PSD3: variants seen among roughly 807,000 people sequenced by gnomAD.
PSD3 encodes the protein PH and SEC7 domain-containing protein 3.
PSD3 carries 49 observed loss-of-function variants against 105.5 expected under a neutral mutation model. The observed-to-expected ratio is 0.46, with a 90% CI of 0.37 to 0.59. The LOEUF (loss-of-function observed/expected upper bound fraction) is 0.59. PSD3 is among the 20% of genes least tolerant of loss of function. The pLI is 0.00. For missense variants in PSD3, 1,561 were observed against 1,263.8 expected (o/e 1.24, Z -3.57); for synonymous variants, 557 against 457.8 (o/e 1.22, Z -2.77).
chr8:18,949,252 T>TATATATATATATATATATACAC (rs1563453782), intron 1 of PSD3, among the ~76,000 whole-genome samples: 6 of 59,648 alleles, frequency 1.0e-4, no homozygotes, highest in African/African-American at 4.5e-4. Flanking sequence ...AAAATATATA[T>TATATATATATATATATATACAC]ATATATATAT....
intron 9 of PSD3, among the ~76,000 whole-genome samples, chr8:18,660,556 C>T (rs1809271328): frequency 1.3e-5 from 2 of 152,202 alleles, no homozygotes; most frequent in South Asian, 4.1e-4. Context: ...CTAGGACAAA[C>T]AGTCTTTCCC....
chr8:18,613,417 G>GC (rs1193281244), intron 11 of PSD3, among the ~76,000 whole-genome samples: 1 of 152,148 alleles, frequency 6.6e-6, no homozygotes, highest in Non-Finnish European at 1.5e-5. Flanking sequence ...GAGCCTGTTA[G>GC]CAGGACTCTT....
intron 7 of PSD3, among the ~76,000 whole-genome samples, chr8:18,800,539 T>G (rs1443426684): frequency 6.6e-6 from 1 of 152,192 alleles, no homozygotes; most frequent in African/African-American, 2.4e-5. Context: ...CATTTTCCAG[T>G]CACAAGTCAA....
chr8:18,594,678 G>A (rs1440985649), intron 12 of PSD3, among the ~76,000 whole-genome samples: 1 of 151,196 alleles, frequency 6.6e-6, no homozygotes, highest in Admixed American at 6.6e-5. Flanking sequence ...ACCCCTGATG[G>A]ACACCAAAAT....
intron 1 of PSD3, among the ~76,000 whole-genome samples, chr8:18,981,835 T>C (rs1266615529): frequency 4.6e-5 from 7 of 152,248 alleles, no homozygotes. Context: ...AGTTGTAATC[T>C]TTTTGCTGAT....
chr8:18,871,875 G>T lies in PSD3; in HGVS notation c.989C>A (p.Ala330Asp). ...GGAAGACTCTTTGCTGTCAGGAGAG[G>T]CTGTTCTTTGCAGTGATGTCTCAAA... Reference protein sequence around the residue: ...IDFETSLQRTASPDSKESSKV... With the variant: ...IDFETSLQRTDSPDSKESSKV... The change falls in exon 3 of 16, where the codon GCC becomes GAC. Residue 330 changes from alanine (A) to aspartate (D), a missense_variant. Coordinates refer to ENST00000327040, the MANE Select transcript of PSD3 (RefSeq NM_015310.4). 6.2e-7 allele frequency: 1 copy of T among 1,614,208 alleles called. No homozygotes were observed. Among genetic ancestry groups the T allele is most frequent in the Non-Finnish European group, 8.5e-7 (1 of 1,180,032 alleles).
chr8:18,560,161 A>G (rs1374517993), intron 14 of PSD3, among the ~76,000 whole-genome samples: 2 of 145,150 alleles, frequency 1.4e-5, no homozygotes, highest in Non-Finnish European at 3.0e-5. Flanking sequence ...CCATGATAAG[A>G]AAGATACACA....
At chr8:18,845,009 G>T (rs1261133975) in intron 4 of PSD3, among the ~76,000 whole-genome samples, 4 of 152,180 alleles carry the variant, frequency 2.6e-5, no homozygotes, top group African/African-American at 9.7e-5. Flanking sequence ...CACGTCATGG[G>T]AGTTCAAACT....
intron 11 of PSD3, among the ~76,000 whole-genome samples, chr8:18,609,698 G>C (rs1025412504): frequency 6.6e-6 from 1 of 152,250 alleles, no homozygotes; most frequent in African/African-American, 2.4e-5. Context: ...GGAGGAGTCT[G>C]CTTTCTGCAA....
chr8:18,690,327 T>C (rs993723150), intron 9 of PSD3, among the ~76,000 whole-genome samples: 1 of 152,214 alleles, frequency 6.6e-6, no homozygotes, highest in African/African-American at 2.4e-5. Context: ...GTAACATGAC[T>C]ACAAAGCAAG....
At position 18,994,339 on chromosome 8, in the gene PSD3, C is replaced by T. The variant is rs142903136; in HGVS notation, c.21+19224G>A. Among the ~76,000 whole-genome samples, 13 of 152,102 alleles carry T rather than the reference C, an allele frequency of 8.5e-5. 1 individual carries two copies. The highest frequency in any genetic ancestry group is 3.4e-3 in the Middle Eastern group (1 of 292). On this transcript the variant is annotated intron_variant, in intron 1 of 15. Transcript: ENST00000327040. ...TTTCTGAAACATCCATTTGTTTTTA[C>T]GGTAGATTTTAAGATTACTGTAAAA...
intron 2 of PSD3, among the ~76,000 whole-genome samples, chr8:18,897,087 G>A (rs935286439): frequency 5.8e-4 from 88 of 152,220 alleles, no homozygotes; most frequent in African/African-American, 1.6e-3. Context: ...GATTACAGGC[G>A]TGAGCCACCG....
At chr8:18,924,126 C>A (rs1464411757) in intron 2 of PSD3, among the ~76,000 whole-genome samples, 2 of 152,074 alleles carry the variant, frequency 1.3e-5, no homozygotes, top group African/African-American at 4.8e-5. Context: ...ATACGTGGGC[C>A]AGTGTGGAAT....
intron 1 of PSD3, among the ~76,000 whole-genome samples, chr8:19,074,106 G>A (rs72607384): frequency 0.087 from 13,207 of 152,182 alleles, 708 homozygotes; most frequent in Middle Eastern, 0.17. Context: ...AATTGTTTAT[G>A]TGCTGCCTCA....
chr8:18,887,239 T>C (rs1818504555), intron 2 of PSD3, among the ~76,000 whole-genome samples: 1 of 152,218 alleles, frequency 6.6e-6, no homozygotes, highest in Non-Finnish European at 1.5e-5. Context: ...ACACATTGTT[T>C]AAAAGCTGCC....
intron 8 of PSD3, among the ~76,000 whole-genome samples, chr8:18,792,042 C>T (rs1586010305): frequency 6.6e-6 from 1 of 152,062 alleles, no homozygotes; most frequent in African/African-American, 2.4e-5. Context: ...AGAATGGCTA[C>T]ATTATTAAAA....
intron 13 of PSD3, among the ~76,000 whole-genome samples, chr8:18,573,835 T>A (rs1471572027): frequency 6.6e-6 from 1 of 151,874 alleles, no homozygotes; most frequent in African/African-American, 2.4e-5. Flanking sequence ...CTCTTTGGAG[T>A]GATGGAAATG....
chr8:18,958,530 A>T (rs1204660704), intron 1 of PSD3, among the ~76,000 whole-genome samples: 26 of 152,204 alleles, frequency 1.7e-4, no homozygotes, highest in Non-Finnish European at 3.8e-4. Context: ...AATGCAGGTC[A>T]AGCTAGCAAG....
At chr8:18,897,072 G>T (rs982045074) in intron 2 of PSD3, among the ~76,000 whole-genome samples, 1 of 152,180 alleles carries the variant, frequency 6.6e-6, no homozygotes, top group Non-Finnish European at 1.5e-5. Flanking sequence ...CTCCCAAAGT[G>T]CTGGGATTAC....
Sources: gnomAD v4.1 joint callset for allele counts (sites outside exome capture counted in the v4.1 genomes callset) on GRCh38, gnomAD v4.1.1 for gene constraint, MANE v1.5 for transcripts, NCBI Gene and HGNC (gene_info 2026-07-23, HGNC 2026-07-21) for gene names.